The following PIK3R1 variants were observed in gnomAD, a reference collection of about 807,000 sequenced individuals.
The protein encoded by PIK3R1 is phosphoinositide-3-kinase regulatory subunit 1, also known as phosphatidylinositol 3-kinase regulatory subunit alpha.
Under a neutral mutation model 98.0 loss-of-function variants are expected in PIK3R1, and 29 were observed. The observed-to-expected ratio is 0.30, with a 90% CI of 0.22 to 0.40. PIK3R1 has a LOEUF of 0.40. PIK3R1 is among the 10% of genes least tolerant of loss of function. The probability of loss-of-function intolerance (pLI) is 1.00; values close to 1 mark genes in which losing one functional copy is unlikely to be tolerated. For synonymous variants in PIK3R1, 282 were observed against 311.8 expected (o/e 0.90, Z 1.01); for missense variants, 596 against 872.7 (o/e 0.68, Z 3.99).
chr5:68,286,786 G>A (rs1038008057), intron 7 of PIK3R1, among the ~76,000 whole-genome samples: 1 of 152,166 alleles, frequency 6.6e-6, no homozygotes, highest in Non-Finnish European at 1.5e-5. Context: ...ATCTTAGAAG[G>A]TTTTGACATG....
At chr5:68,288,796 C>T in intron 7 of PIK3R1, 3 of 1,586,106 alleles carry the variant, frequency 1.9e-6, no homozygotes, top group Non-Finnish European at 2.6e-6. Flanking sequence ...CTTATCTGAG[C>T]GGTGCCTTTC....
At chr5:68,256,355 G>A (rs931575781) in intron 2 of PIK3R1, among the ~76,000 whole-genome samples, 7 of 152,064 alleles carry the variant, frequency 4.6e-5, no homozygotes, top group South Asian at 2.1e-4. Flanking sequence ...TCAGCCTTCC[G>A]AGTAGCTGGG....
intron 8 of PIK3R1, chr5:68,292,778 A>G: frequency 8.0e-7 from 1 of 1,256,532 alleles, no homozygotes; most frequent in South Asian, 1.8e-5. Flanking sequence ...CATTTGTCAG[A>G]GAGATTGTAA....
In PIK3R1 at chr5:68,296,132, G is replaced by A. The variant is rs112011545; in HGVS notation, c.1815-39G>A. The A allele has an allele frequency of 2.3e-3, 3,663 of 1,604,476 alleles. 82 individuals are homozygous for A. In the African/African-American group the frequency reaches 0.044, roughly 19 times the overall value. On this transcript the variant is annotated intron_variant, in intron 14 of 15. Transcript: ENST00000521381. ...ACAGCAAGGCAGGCTGATGGCTCCTGCACTCTTCATTTAGAAACTTTCTGT... is the reference window on the plus strand; with the variant it reads ...ACAGCAAGGCAGGCTGATGGCTCCTACACTCTTCATTTAGAAACTTTCTGT...
At chr5:68,290,685 C>G in intron 7 of PIK3R1, 1 of 1,581,068 alleles carries the variant, frequency 6.3e-7, no homozygotes, top group Non-Finnish European at 8.6e-7. Context: ...GAAAGCCGGA[C>G]TCTTTTCTTA....
chr5:68,296,758 A>G (rs999663899), intron 15 of PIK3R1, among the ~76,000 whole-genome samples: 1 of 152,214 alleles, frequency 6.6e-6, no homozygotes, highest in Non-Finnish European at 1.5e-5. Context: ...GTGAAAAAAA[A>G]AAGGATTCTG....
At chr5:68,282,557 G>A (rs59638888) in intron 7 of PIK3R1, among the ~76,000 whole-genome samples, 3,822 of 152,288 alleles carry the variant, frequency 0.025, 162 homozygotes, top group African/African-American at 0.083. Context: ...ACAAGGTATA[G>A]CAGAATCAGT....
At position 68,288,745 on chromosome 5, in the gene PIK3R1, C is replaced by T. The variant is rs1446236175; in HGVS notation, c.917-3514C>T. Reference sequence around the variant, plus strand: ...AAGGGAAACCGTTGAAATGCATAACCTGCAAAGTAAGTTGCCTTGAATTTG... The same window carrying T: ...AAGGGAAACCGTTGAAATGCATAACTTGCAAAGTAAGTTGCCTTGAATTTG... On this transcript the variant is annotated intron_variant, in intron 7 of 15. Coordinates refer to ENST00000521381, the MANE Select transcript of PIK3R1 (RefSeq NM_181523.3). The T allele has an allele frequency of 6.2e-6, 10 of 1,613,820 alleles. 1 individual carries two copies. The highest frequency in any genetic ancestry group is 8.5e-6 in the Non-Finnish European group (10 of 1,179,784).
At chr5:68,273,916 C>T (rs1489051377) in intron 3 of PIK3R1, 23 bp from the exon 4 acceptor site, 1 of 1,593,226 alleles carries the variant, frequency 6.3e-7, no homozygotes, top group Admixed American at 1.7e-5. Context: ...CATACATGGT[C>T]TGTGGTCTGT....
intron 15 of PIK3R1, 86 bp from the exon 16 acceptor site, chr5:68,297,326 A>G: frequency 8.5e-7 from 1 of 1,180,524 alleles, no homozygotes; most frequent in Non-Finnish European, 1.2e-6. Context: ...AGACTGCACA[A>G]TAATGCTTTT....
Position 68,296,175 on chromosome 5 carries a change from T to A in PIK3R1, c.1819T>A (p.Tyr607Asn), listed in dbSNP as rs1580267019. ...WLGNENTEDQ[Y>N]SLVEDDEDLP... ...CTTTCTGTCCTGCCTGCCTAGCCAATATTCACTGGTGGAAGATGATGAAGA... is the reference window on the plus strand; with the variant it reads ...CTTTCTGTCCTGCCTGCCTAGCCAAAATTCACTGGTGGAAGATGATGAAGA... Residue 607 changes from tyrosine to asparagine, a missense_variant, in exon 15 of 16, where the codon TAT (tyrosine) becomes AAT (asparagine). Around this residue, in one of 3 missense-constraint regions of PIK3R1, gnomAD observed 207 missense variants for 361.4 expected, o/e 0.57. Coordinates refer to ENST00000521381, the MANE Select transcript of PIK3R1 (RefSeq NM_181523.3). 6.2e-7 allele frequency: 1 copy of A among 1,614,072 alleles called. No homozygotes were observed. The highest frequency in any genetic ancestry group is 1.1e-5 in the South Asian group (1 of 91,056).
intron 1 of PIK3R1, among the ~76,000 whole-genome samples, chr5:68,221,471 G>T (rs1744091089): frequency 6.6e-6 from 1 of 152,178 alleles, no homozygotes; most frequent in South Asian, 2.1e-4. Context: ...CTCCTGCCTT[G>T]GTTGAAGACC....
intron 2 of PIK3R1, among the ~76,000 whole-genome samples, chr5:68,252,882 A>G (rs1745372531): frequency 6.6e-6 from 1 of 152,192 alleles, no homozygotes; most frequent in Admixed American, 6.5e-5. Flanking sequence ...ACGGCATGGT[A>G]GCTGTAAAAT....
chr5:68,261,629 CAT>C (rs1470581807), intron 2 of PIK3R1, among the ~76,000 whole-genome samples: 1 of 152,054 alleles, frequency 6.6e-6, no homozygotes, highest in Non-Finnish European at 1.5e-5. Flanking sequence ...AGAAGGCTAA[CAT>C]AAAAGATGAC....
Position 68,288,449 on chromosome 5 carries a change from G to A in PIK3R1, c.917-3810G>A, listed in dbSNP as rs368094141. On this transcript the variant is annotated intron_variant, in intron 7 of 15. Transcript: ENST00000521381. ...AGCGAAATCCAGTTGGCTTCTCAAT[G>A]AGGAGCCGGCAGTGAGCGGCGGTGG... The A allele has an allele frequency of 5.3e-4, 680 of 1,275,078 alleles. 5 individuals carry two copies. In the African/African-American group the frequency reaches 9.4e-3, roughly 18 times the overall value. The allele number at this position is 1,275,078 out of a possible 1,614,324, so 79.0% of individuals were successfully genotyped here.
chr5:68,252,154 A>G (rs147638088), intron 2 of PIK3R1, among the ~76,000 whole-genome samples: 75 of 152,266 alleles, frequency 4.9e-4, no homozygotes, highest in African/African-American at 1.6e-3. Flanking sequence ...TGTTTAGACT[A>G]AGGGCCGCAT....
chr5:68,235,974 A>G (rs1330386748), intron 2 of PIK3R1, among the ~76,000 whole-genome samples: 1 of 147,454 alleles, frequency 6.8e-6, no homozygotes, highest in Non-Finnish European at 1.5e-5. Context: ...GGGTTCAAGC[A>G]GTTCTCCAGC....
intron 2 of PIK3R1, among the ~76,000 whole-genome samples, chr5:68,271,693 A>G (rs745907564): frequency 6.6e-6 from 1 of 152,244 alleles, no homozygotes; most frequent in Non-Finnish European, 1.5e-5. Flanking sequence ...CCATCATCAC[A>G]GAAAGCTCTA....
chr5:68,290,605 C>T lies in PIK3R1; in HGVS notation c.917-1654C>T, dbSNP rs1747332003. On this transcript the variant is annotated intron_variant, in intron 7 of 15. Transcript: ENST00000521381. ...ATTTTTCTGACTTGATTGGCTGGGG[C>T]GTGTGATGTAATAGGTTTCAGTGCA... The T allele has an allele frequency of 6.0e-6, 8 of 1,341,496 alleles. No homozygotes were observed. The Middle Eastern group carries it at 7.8e-4, about 131-fold the overall frequency. The allele number at this position is 1,341,496 out of a possible 1,614,324, so 83.1% of individuals were successfully genotyped here. A position where few individuals can be genotyped will look rare whatever the true frequency, so the allele number is the denominator to read the frequency against.
Sources: gnomAD v4.1 joint callset for allele counts (sites outside exome capture counted in the v4.1 genomes callset) on GRCh38, gnomAD v4.1.1 for gene constraint, gnomAD v4.1.1 regional missense constraint, MANE v1.5 for transcripts, NCBI Gene and HGNC (gene_info 2026-07-23, HGNC 2026-07-21) for gene names.